TRNT1: variants seen among roughly 807,000 people sequenced by gnomAD.
The protein encoded by TRNT1 is CCA tRNA nucleotidyltransferase 1, mitochondrial.
A neutral mutation model predicts 45.6 loss-of-function variants in TRNT1; 44 were observed. That is an observed-to-expected ratio of 0.97 (90% CI 0.76 to 1.24). The LOEUF (loss-of-function observed/expected upper bound fraction) is 1.24. TRNT1 is among the 50% of genes most tolerant of loss of function. The probability of loss-of-function intolerance (pLI) is 0.00; values close to 1 mark genes in which losing one functional copy is unlikely to be tolerated. For synonymous variants in TRNT1, 201 were observed against 171.4 expected (o/e 1.17, Z -1.35); for missense variants, 633 against 504.4 (o/e 1.25, Z -2.44).
chr3:3,129,197 T>A lies in TRNT1; in HGVS notation c.148+9T>A, dbSNP rs765666226. On this transcript the variant is annotated intron_variant, in intron 2 of 7. Coordinates refer to ENST00000251607, the MANE Select transcript of TRNT1 (RefSeq NM_182916.3). ...ACTGAAGAGTCTGACAGGTGAGAGA[T>A]TAGGATACCTTTTCTTGATTGGAAA... 11 of 1,613,184 alleles carry A rather than the reference T, an allele frequency of 6.8e-6. No individual in the cohort carries two copies. The highest frequency in any genetic ancestry group is 9.3e-6 in the Non-Finnish European group (11 of 1,179,442).
chr3:3,136,715 C>G, intron 2 of TRNT1: 1 of 412,120 alleles, frequency 2.4e-6, no homozygotes, highest in Non-Finnish European at 4.7e-6. Context: ...AGTGCAGTGG[C>G]ACGATCATAG....
intron 7 of TRNT1, 84 bp downstream of exon 7, chr3:3,147,787 CTG>C (rs1706149994): frequency 6.6e-7 from 1 of 1,520,662 alleles, no homozygotes; most frequent in Non-Finnish European, 8.8e-7. Context: ...ATCTACAAAT[CTG>C]TGAATTTTAC....
chr3:3,134,268 CCTG>C (rs1705187779), intron 2 of TRNT1, among the ~76,000 whole-genome samples: 1 of 151,968 alleles, frequency 6.6e-6, no homozygotes, highest in Admixed American at 6.6e-5. Context: ...CTTGATAGTC[CCTG>C]CTGTTTTAGG....
rs1379735763 is a variant in TRNT1, at chr3:3,137,192, T to C, written c.149-68T>C. On this transcript the variant is annotated intron_variant, in intron 2 of 7. Coordinates refer to ENST00000251607, the MANE Select transcript of TRNT1 (RefSeq NM_182916.3). Reference sequence around the variant, plus strand: ...AACTAGATGGAAAAGCCTTGTACTTTTGTGGTTAAAATAAACACATTGAAA... The same window carrying C: ...AACTAGATGGAAAAGCCTTGTACTTCTGTGGTTAAAATAAACACATTGAAA... The C allele has an allele frequency of 3.1e-6, 4 of 1,296,446 alleles. No homozygotes were observed. The African/African-American group carries it at 4.5e-5, about 15-fold the overall frequency. The allele number at this position is 1,296,446 out of a possible 1,614,324, so 80.3% of individuals were successfully genotyped here. A position where few individuals can be genotyped will look rare whatever the true frequency, so the allele number is the denominator to read the frequency against.
chr3:3,143,696 G>C (rs1705803273), intron 4 of TRNT1, among the ~76,000 whole-genome samples: 2 of 105,662 alleles, frequency 1.9e-5, no homozygotes, highest in Admixed American at 1.7e-4. Flanking sequence ...TGGCCCACTT[G>C]CCGAAACCCT....
At chr3:3,136,942 C>T (rs576633717) in intron 2 of TRNT1, 5 of 280,490 alleles carry the variant, frequency 1.8e-5, no homozygotes, top group East Asian at 9.3e-5. Context: ...TGAGCCACTG[C>T]GCCTGACCTG....
downstream of TRNT1, chr3:3,149,117 T>C (rs1408346157): frequency 6.6e-6 from 1 of 152,154 alleles, no homozygotes; most frequent in Non-Finnish European, 1.5e-5. Context: ...CTTTGTACTC[T>C]ATGAGCAAAT....
chr3:3,142,816 G>A (rs1326666115), intron 4 of TRNT1, among the ~76,000 whole-genome samples: 1 of 152,058 alleles, frequency 6.6e-6, no homozygotes, highest in Non-Finnish European at 1.5e-5. Flanking sequence ...CATATTATTT[G>A]CTACTTTGTG....
chr3:3,152,239 G>A (rs1706613021), downstream of TRNT1, among the ~76,000 whole-genome samples: 1 of 150,682 alleles, frequency 6.6e-6, no homozygotes, highest in African/African-American at 2.4e-5. Context: ...CAACACTCTT[G>A]CCTTCCAGGT....
chr3:3,129,354 C>G, intron 2 of TRNT1, 166 bp downstream of exon 2: 1 of 630,336 alleles, frequency 1.6e-6, no homozygotes, highest in South Asian at 2.1e-5. Context: ...GGTCTCAAAA[C>G]TCCTGGGCTC....
At chr3:3,127,562 A>T (rs1704667201) in intron 1 of TRNT1, 1 of 152,706 alleles carries the variant, frequency 6.5e-6, no homozygotes, top group Admixed American at 6.5e-5. Context: ...GCCAGAAATC[A>T]GAGGAGATTG....
chr3:3,127,636 A>G (rs535926086), intron 1 of TRNT1: 1 of 152,472 alleles, frequency 6.6e-6, no homozygotes, highest in East Asian at 1.9e-4. Flanking sequence ...GGAAAATACA[A>G]TGTCTAGGAG....
chr3:3,137,250 C>G lies in TRNT1; in HGVS notation c.149-10C>G, dbSNP rs1247543296. The G allele has an allele frequency of 1.9e-6, 3 of 1,560,066 alleles. No homozygotes were observed. Among genetic ancestry groups the G allele is most frequent in the Admixed American group, 2.1e-5 (1 of 48,764 alleles). ...CTTGGGAATAAAAATCTTATTTTCTCTCATCTCAGAATTATTTGTCAAAGA... is the reference window on the plus strand; with the variant it reads ...CTTGGGAATAAAAATCTTATTTTCTGTCATCTCAGAATTATTTGTCAAAGA... On this transcript the variant is annotated splice_polypyrimidine_tract_variant and intron_variant, in intron 2 of 7. Transcript: ENST00000251607.
chr3:3,151,444 T>G (rs1316543218), downstream of TRNT1, among the ~76,000 whole-genome samples: 1 of 152,188 alleles, frequency 6.6e-6, no homozygotes, highest in Non-Finnish European at 1.5e-5. Context: ...AATAATGCAC[T>G]TCTGTCTGAG....
At chr3:3,144,789 C>T in intron 5 of TRNT1, 79 bp downstream of exon 5, 1 of 1,343,368 alleles carries the variant, frequency 7.4e-7, no homozygotes, top group Non-Finnish European at 9.9e-7. Context: ...AAACCCACAG[C>T]AGGTCAGTGT....
intron 1 of TRNT1, among the ~76,000 whole-genome samples, chr3:3,128,480 T>C (rs1424707988): frequency 1.3e-5 from 2 of 151,042 alleles, no homozygotes; most frequent in Non-Finnish European, 2.9e-5. Context: ...GCGCCTGTAA[T>C]CCCTGCTACT....
downstream of TRNT1, chr3:3,149,369 T>G (rs1170141737): frequency 6.6e-6 from 1 of 152,170 alleles, no homozygotes; most frequent in Non-Finnish European, 1.5e-5. Flanking sequence ...CAGATTTAGC[T>G]ATCAGGTCTG....
In TRNT1 at chr3:3,140,595, A is replaced by T. The variant is rs764045399; in HGVS notation, c.428A>T (p.Asp143Val). 5.0e-6 allele frequency: 8 copies of T among 1,614,030 alleles called. No homozygotes were observed. In the South Asian group the frequency reaches 8.8e-5, roughly 18 times the overall value. The change falls in exon 4 of 8, where the codon GAC becomes GTC. Residue 143 changes from aspartate to valine, a missense_variant. By Grantham distance (152) the Asp-to-Val change is radical. Coordinates refer to ENST00000251607, the MANE Select transcript of TRNT1 (RefSeq NM_182916.3). Reference protein sequence around the residue: ...GRHAEVEFTTDWQKDAERRDL... With the variant: ...GRHAEVEFTTVWQKDAERRDL... ...CATGCTGAGGTAGAATTTACAACTG[A>T]CTGGCAGAAAGATGCGGAACGCAGA...
chr3:3,129,313 A>C, intron 2 of TRNT1, 125 bp downstream of exon 2: 1 of 917,968 alleles, frequency 1.1e-6, no homozygotes, highest in Non-Finnish European at 1.6e-6. Flanking sequence ...TAAAAAACGT[A>C]AGTAGAGGGT....
Sources: gnomAD v4.1 joint callset for allele counts (sites outside exome capture counted in the v4.1 genomes callset) on GRCh38, gnomAD v4.1.1 for gene constraint, MANE v1.5 for transcripts, NCBI Gene and HGNC (gene_info 2026-07-23, HGNC 2026-07-21) for gene names.